THSD7A: variants seen among roughly 807,000 people sequenced by gnomAD.
THSD7A encodes the protein thrombospondin type-1 domain-containing protein 7A.
A neutral mutation model predicts 231.3 loss-of-function variants in THSD7A; 96 were observed. The observed-to-expected ratio is 0.41, with a 90% CI of 0.35 to 0.49. THSD7A has a LOEUF of 0.49. THSD7A is among the 20% of genes least tolerant of loss of function. The probability of loss-of-function intolerance (pLI) is 0.05; values close to 1 mark genes in which losing one functional copy is unlikely to be tolerated. For synonymous variants in THSD7A, 940 were observed against 743.3 expected, an observed-to-expected ratio of 1.26 and a Z score of -4.30; for missense variants, 2,290 against 2,070.2, an observed-to-expected ratio of 1.11 and a Z score of -2.06.
In THSD7A at chr7:11,446,294, T is replaced by C. The variant is rs368126305; in HGVS notation, c.2831A>G (p.Asn944Ser). 4.5e-5 allele frequency: 72 copies of C among 1,612,172 alleles called. No homozygotes were observed. In the African/African-American group the frequency reaches 8.9e-4, roughly 20 times the overall value. ...CTCAATCAGGGGATACAAATGGGAA[T>C]TTTTACATTTTTCCTTCTTTTTACT... ...GKSKKKEKCK[N>S]SHLYPLIETQ... Residue 944 changes from asparagine (N) to serine (S), a missense_variant, in exon 13 of 28, where the codon AAT (asparagine) becomes AGT (serine). Asn to Ser is a conservative substitution (Grantham distance 46, BLOSUM62 1). Transcript: ENST00000423059. This position sits in a 1 kb window ranked among gnomAD's most constrained non-coding sequence, Gnocchi z 4.0.
At chr7:11,801,754 T>C (rs972223364) in intron 1 of THSD7A, among the ~76,000 whole-genome samples, 2 of 152,198 alleles carry the variant, frequency 1.3e-5, no homozygotes, top group Admixed American at 1.3e-4. Context: ...AAAAAATCTG[T>C]ATGTCGTAAT....
In THSD7A at chr7:11,412,704, G is replaced by T; in HGVS notation, c.3634C>A (p.Pro1212Thr). The T allele has an allele frequency of 6.2e-7, 1 of 1,613,764 alleles. No homozygotes were observed. The highest frequency in any genetic ancestry group is 1.1e-5 in the South Asian group (1 of 91,054). ...TAGCAGTTTTTGTTCAGGTTACAGG[G>T]TTCTTTCTCAACAGCATTAGGGCAA... ...RSCPNAVEKE[P>T]CNLNKNCYHY... The change falls in exon 18 of 28, where the codon CCC becomes ACC. Residue 1212 changes from proline to threonine, a missense_variant. Pro to Thr is a conservative substitution (Grantham distance 38, BLOSUM62 -1). Transcript: ENST00000423059.
At chr7:11,631,734 T>C (rs1162255173) in intron 2 of THSD7A, among the ~76,000 whole-genome samples, 1 of 152,176 alleles carries the variant, frequency 6.6e-6, no homozygotes, top group Non-Finnish European at 1.5e-5. Context: ...GATTTGGCTA[T>C]TACCTCTCTC....
At chr7:11,445,708 C>T (rs1181599781) in intron 13 of THSD7A, among the ~76,000 whole-genome samples, 1 of 152,038 alleles carries the variant, frequency 6.6e-6, no homozygotes. Context: ...TTCCTCCTTA[C>T]TCCCTTCCTG....
intron 1 of THSD7A, among the ~76,000 whole-genome samples, chr7:11,802,397 C>G (rs1784300880): frequency 6.6e-6 from 1 of 152,100 alleles, no homozygotes; most frequent in South Asian, 2.1e-4. Flanking sequence ...GAAACAACAT[C>G]TGTGTGTTGA....
chr7:11,781,680 G>A lies in THSD7A; in HGVS notation c.190+50077C>T, dbSNP rs77371786. Among the ~76,000 whole-genome samples the A allele has an allele frequency of 2.2e-3, 328 of 152,146 alleles. 1 individual carries two copies. The highest frequency in any genetic ancestry group is 7.3e-3 in the African/African-American group (305 of 41,520). ...ACATATCTTTCTTGCTTGTATGTTCGTAGAACATCTGTTTGAGAACTAAAA... is the reference window on the plus strand; with the variant it reads ...ACATATCTTTCTTGCTTGTATGTTCATAGAACATCTGTTTGAGAACTAAAA... On this transcript the variant is annotated intron_variant, in intron 1 of 27. Transcript: ENST00000423059.
chr7:11,555,388 C>T (rs1422363566), intron 4 of THSD7A, among the ~76,000 whole-genome samples: 1 of 151,800 alleles, frequency 6.6e-6, no homozygotes, highest in East Asian at 1.9e-4. Flanking sequence ...GATTTTACTC[C>T]TATCTTTTTT....
At chr7:11,676,753 G>C (rs1783653521) in intron 1 of THSD7A, among the ~76,000 whole-genome samples, 1 of 152,138 alleles carries the variant, frequency 6.6e-6, no homozygotes, top group Admixed American at 6.5e-5. Flanking sequence ...AAGCCTCCAA[G>C]AAATGTTGGA....
At chr7:11,480,504 TCATTGTTTGA>T (rs1786378921) in intron 7 of THSD7A, among the ~76,000 whole-genome samples, 1 of 152,166 alleles carries the variant, frequency 6.6e-6, no homozygotes, top group Non-Finnish European at 1.5e-5. Context: ...GAGGTTAGAG[TCATTGTTTGA>T]CAACACAAGA....
At chr7:11,780,598 G>A (rs1421857535) in intron 1 of THSD7A, among the ~76,000 whole-genome samples, 3 of 152,152 alleles carry the variant, frequency 2.0e-5, no homozygotes, top group Non-Finnish European at 2.9e-5. Flanking sequence ...TCCTTCAGAT[G>A]ACTATAGCCC....
chr7:11,787,054 A>T (rs1783815889), intron 1 of THSD7A, among the ~76,000 whole-genome samples: 1 of 152,076 alleles, frequency 6.6e-6, no homozygotes, highest in African/African-American at 2.4e-5. Context: ...CTAGTTTCAT[A>T]AAAAAATAAA....
At chr7:11,537,164 T>C (rs553051266) in intron 6 of THSD7A, among the ~76,000 whole-genome samples, 22 of 152,206 alleles carry the variant, frequency 1.4e-4, no homozygotes, top group African/African-American at 5.3e-4. Context: ...GGGAAAGAAA[T>C]AGTACTCAAG....
chr7:11,706,630 CTTTT>C (rs66964252), intron 1 of THSD7A, among the ~76,000 whole-genome samples: 13 of 66,420 alleles, frequency 2.0e-4, no homozygotes, highest in East Asian at 4.4e-4. Flanking sequence ...TAACAAGGTG[CTTTT>C]TTTTTTTTTT....
intron 4 of THSD7A, among the ~76,000 whole-genome samples, chr7:11,546,098 G>T (rs1789370204): frequency 6.6e-6 from 1 of 152,112 alleles, no homozygotes; most frequent in Non-Finnish European, 1.5e-5. Flanking sequence ...GAGAGCTTCT[G>T]CAGATGGACC....
chr7:11,712,212 T>A (rs1163310401), intron 1 of THSD7A, among the ~76,000 whole-genome samples: 1 of 151,016 alleles, frequency 6.6e-6, no homozygotes, highest in African/African-American at 2.4e-5. Context: ...TGATGCAAAA[T>A]TACAGGTCCA....
intron 1 of THSD7A, among the ~76,000 whole-genome samples, chr7:11,658,023 T>C (rs980194726): frequency 2.0e-5 from 3 of 151,676 alleles, no homozygotes; most frequent in Non-Finnish European, 4.4e-5. Flanking sequence ...AAGTACTAGA[T>C]GGTATGCCAC....
At chr7:11,530,145 G>A (rs1788644700) in intron 6 of THSD7A, among the ~76,000 whole-genome samples, 1 of 152,122 alleles carries the variant, frequency 6.6e-6, no homozygotes, top group Non-Finnish European at 1.5e-5. Flanking sequence ...AAAATGCTGT[G>A]AGAGGAATCC....
chr7:11,614,161 G>T (rs1202706653), intron 2 of THSD7A, among the ~76,000 whole-genome samples: 1 of 152,142 alleles, frequency 6.6e-6, no homozygotes, highest in Non-Finnish European at 1.5e-5. Flanking sequence ...ATATTTCCAG[G>T]AATCAAAGGG....
At chr7:11,610,031 A>G (rs1780868792) in intron 2 of THSD7A, among the ~76,000 whole-genome samples, 1 of 152,158 alleles carries the variant, frequency 6.6e-6, no homozygotes, top group Admixed American at 6.6e-5. Flanking sequence ...TAACATAAAA[A>G]CAACTCGAAA....
Sources: allele counts gnomAD v4.1 joint callset (sites outside exome capture counted in the v4.1 genomes callset), GRCh38; gene constraint gnomAD v4.1.1; non-coding constraint Gnocchi (gnomAD v3.1); transcripts MANE v1.5; gene names NCBI Gene and HGNC (gene_info 2026-07-23, HGNC 2026-07-21).